The following SMC5 variants were observed in gnomAD, a reference collection of about 807,000 sequenced individuals.
The protein encoded by SMC5 is structural maintenance of chromosomes protein 5.
A neutral mutation model predicts 148.3 loss-of-function variants in SMC5; 88 were observed. That is an observed-to-expected ratio of 0.59 (90% CI 0.50 to 0.71). SMC5 has a LOEUF of 0.71. Among genes scored for constraint, SMC5 ranks in the 30% least tolerant of loss-of-function variants. The pLI is 0.00. For synonymous variants in SMC5, 421 were observed against 432.8 expected (o/e 0.97, Z 0.34); for missense variants, 1,142 against 1,298.9 (o/e 0.88, Z 1.86).
At chr9:70,277,191 T>C in intron 3 of SMC5, 119 bp from the exon 4 acceptor site, 2 of 805,624 alleles carry the variant, frequency 2.5e-6, no homozygotes, top group Non-Finnish European at 1.7e-6. Context: ...TCAAAAGGAG[T>C]AAAAATCATA....
At chr9:70,268,735 T>C (rs1427182306) in intron 3 of SMC5, among the ~76,000 whole-genome samples, 3 of 152,186 alleles carry the variant, frequency 2.0e-5, no homozygotes. Flanking sequence ...TAACTACTGC[T>C]AATAGTTTGA....
At chr9:70,299,791 G>A (rs1429802976) in intron 9 of SMC5, among the ~76,000 whole-genome samples, 1 of 119,920 alleles carries the variant, frequency 8.3e-6, no homozygotes, top group Non-Finnish European at 1.8e-5. Flanking sequence ...GGGTTTTTTT[G>A]TTTGTTTGTT....
rs960625669 is a variant in SMC5, at chr9:70,315,645, C to T, written c.1806+67C>T. The T allele has an allele frequency of 5.3e-6, 7 of 1,330,602 alleles. No homozygotes were observed. In the African/African-American group the frequency reaches 7.4e-5, roughly 14 times the overall value. 82.4% of individuals were successfully genotyped at this position (1,330,602 alleles called of 1,614,324 possible). On this transcript the variant is annotated intron_variant, in intron 13 of 24. Coordinates refer to ENST00000361138, the MANE Select transcript of SMC5 (RefSeq NM_015110.4). Reference sequence around the variant, plus strand: ...ATGTAGTTTTGTTAAAACTTCTTAGCTAAAGGCAAGCAAAACGTGTCAGAA... The same window carrying T: ...ATGTAGTTTTGTTAAAACTTCTTAGTTAAAGGCAAGCAAAACGTGTCAGAA...
intron 10 of SMC5, among the ~76,000 whole-genome samples, chr9:70,302,420 G>T (rs1273520429): frequency 6.6e-6 from 1 of 151,938 alleles, no homozygotes; most frequent in Non-Finnish European, 1.5e-5. Context: ...TTGAGCCAAG[G>T]AGTTGGAGGT....
At chr9:70,343,609 A>G (rs2036580810) in intron 17 of SMC5, among the ~76,000 whole-genome samples, 1 of 152,092 alleles carries the variant, frequency 6.6e-6, no homozygotes, top group African/African-American at 2.4e-5. Context: ...TGAGGCCAGG[A>G]GTTGGAGACC....
In SMC5 at chr9:70,264,463, C is replaced by CT. The variant is rs754976251; in HGVS notation, c.327+23dup. ...CAGATAAGGTGAGTTAATATAATTA[C>CT]TTTTTAAGAAATTTCAAACCTATTA... On this transcript the variant is annotated intron_variant, in intron 2 of 24. Transcript: ENST00000361138. The CT allele has an allele frequency of 1.9e-6, 3 of 1,610,128 alleles. No homozygotes were observed. In the South Asian group the frequency reaches 3.3e-5, roughly 18 times the overall value.
chr9:70,341,656 T>C (rs1820833829), intron 17 of SMC5, among the ~76,000 whole-genome samples: 1 of 152,240 alleles, frequency 6.6e-6, no homozygotes, highest in Non-Finnish European at 1.5e-5. Context: ...ATCAAACCCA[T>C]GTGCATAAAA....
At chr9:70,318,987 G>A in intron 15 of SMC5, 24 bp downstream of exon 15, 4 of 1,577,738 alleles carry the variant, frequency 2.5e-6, no homozygotes, top group Non-Finnish European at 1.7e-6. Context: ...TATTCAGGGG[G>A]GAGAGCACAA....
intron 11 of SMC5, chr9:70,311,258 A>G (rs1048573948): frequency 1.3e-5 from 2 of 152,196 alleles, no homozygotes; most frequent in Admixed American, 6.5e-5. Flanking sequence ...TTGTAGGGTT[A>G]TTAATTGTTC....
chr9:70,314,782 C>T lies in SMC5; in HGVS notation c.1619C>T (p.Ala540Val). ...AAATTAAGAGTAAATGCTGTTATTG[C>T]TCCCAAGAGTTCATATGCAGACAAA... Reference protein sequence around the residue: ...NKKLRVNAVIAPKSSYADKAP... With the variant: ...NKKLRVNAVIVPKSSYADKAP... The change falls in exon 12 of 25, where the codon GCT becomes GTT. Residue 540 changes from alanine (A) to valine (V), a missense_variant. Physicochemically the swap from Ala to Val is moderately conservative, Grantham distance 64 (BLOSUM62 0). Around this residue, in one of 5 missense-constraint regions of SMC5, gnomAD observed 743 missense variants for 835.7 expected, o/e 0.89. Coordinates refer to ENST00000361138, the MANE Select transcript of SMC5 (RefSeq NM_015110.4). The T allele has an allele frequency of 3.2e-6, 5 of 1,574,060 alleles. No individual in the cohort carries two copies. The highest frequency in any genetic ancestry group is 1.2e-5 in the South Asian group (1 of 83,524).
intron 10 of SMC5, among the ~76,000 whole-genome samples, chr9:70,301,596 A>G (rs1587664441): frequency 6.6e-6 from 1 of 152,334 alleles, no homozygotes; most frequent in South Asian, 2.1e-4. Flanking sequence ...ATTTTTAACA[A>G]TTCCAATCTA....
chr9:70,281,004 A>G, intron 6 of SMC5, 105 bp downstream of exon 6: 1 of 1,313,716 alleles, frequency 7.6e-7, no homozygotes, highest in Non-Finnish European at 1.1e-6. Context: ...CTTCTTTTTC[A>G]TTTTTGGCTT....
At chr9:70,282,370 T>A in intron 6 of SMC5, 52 bp from the exon 7 acceptor site, 2 of 1,495,544 alleles carry the variant, frequency 1.3e-6, no homozygotes, top group Non-Finnish European at 1.8e-6. Context: ...TTTTAGTATA[T>A]GTGTTAGTTT....
intron 5 of SMC5, among the ~76,000 whole-genome samples, chr9:70,280,555 A>G (rs1365116835): frequency 6.6e-6 from 1 of 152,206 alleles, no homozygotes; most frequent in Middle Eastern, 3.2e-3. Flanking sequence ...GAACTTGGGT[A>G]TGAATGTTGC....
intron 15 of SMC5, 131 bp downstream of exon 15, chr9:70,319,094 T>C: frequency 1.2e-6 from 1 of 826,916 alleles, no homozygotes; most frequent in Non-Finnish European, 1.7e-6. Flanking sequence ...TTAATCTTAC[T>C]GCATAAAACA....
intron 7 of SMC5, among the ~76,000 whole-genome samples, chr9:70,284,861 C>T (rs1445402365): frequency 6.6e-6 from 1 of 152,066 alleles, no homozygotes; most frequent in Non-Finnish European, 1.5e-5. Context: ...TCATTCTGTT[C>T]CAGCAGAAAA....
chr9:70,299,275 G>C (rs1458340926), intron 9 of SMC5, among the ~76,000 whole-genome samples: 1 of 151,772 alleles, frequency 6.6e-6, no homozygotes, highest in African/African-American at 2.4e-5. Context: ...GCTGAACCAA[G>C]TTGTGCATTA....
chr9:70,300,243 G>A (rs766695879), intron 10 of SMC5, 43 bp downstream of exon 10: 1 of 1,542,222 alleles, frequency 6.5e-7, no homozygotes, highest in South Asian at 1.2e-5. Flanking sequence ...TTTTATTATT[G>A]TAATCATAGA....
intron 8 of SMC5, among the ~76,000 whole-genome samples, chr9:70,293,334 C>A (rs1027912197): frequency 6.8e-6 from 1 of 147,938 alleles, no homozygotes; most frequent in African/African-American, 2.5e-5. Context: ...TTCCCCCTCT[C>A]CCCCACCCCC....
Sources: gnomAD v4.1 joint callset for allele counts (sites outside exome capture counted in the v4.1 genomes callset) on GRCh38, gnomAD v4.1.1 for gene constraint, gnomAD v4.1.1 regional missense constraint, MANE v1.5 for transcripts, NCBI Gene and HGNC (gene_info 2026-07-23, HGNC 2026-07-21) for gene names.